The following CLYBL variants were observed in gnomAD, a reference collection of about 807,000 sequenced individuals.
The protein encoded by CLYBL is citramalyl-CoA lyase, also known as citramalyl-CoA lyase, mitochondrial.
Under a neutral mutation model 38.9 loss-of-function variants are expected in CLYBL, and 31 were observed. That is an observed-to-expected ratio of 0.80 (90% CI 0.60 to 1.08). The LOEUF (loss-of-function observed/expected upper bound fraction) is 1.08. Ranked by LOEUF, CLYBL falls within the 50% of genes least tolerant of loss-of-function variation. The pLI is 0.00. For synonymous variants in CLYBL, 171 were observed against 158.6 expected, an observed-to-expected ratio of 1.08 and a Z score of -0.59; for missense variants, 434 against 411.6, an observed-to-expected ratio of 1.05 and a Z score of -0.47.
At chr13:99,768,200 T>TC (rs1000697752) in intron 1 of CLYBL, among the ~76,000 whole-genome samples, 2 of 142,662 alleles carry the variant, frequency 1.4e-5, no homozygotes, top group Admixed American at 7.0e-5. Flanking sequence ...TTCTTTTTTT[T>TC]TTTTTTTTTT....
intron 2 of CLYBL, among the ~76,000 whole-genome samples, chr13:99,852,917 A>C (rs1447752519): frequency 6.6e-6 from 1 of 152,186 alleles, no homozygotes; most frequent in Non-Finnish European, 1.5e-5. Flanking sequence ...TAATATATCC[A>C]TTTCAAAGTA....
chr13:99,857,079 C>G (rs144032538), intron 2 of CLYBL, among the ~76,000 whole-genome samples: 8,194 of 151,710 alleles, frequency 0.054, 259 homozygotes, highest in Middle Eastern at 0.12. Flanking sequence ...CTTTGGGAGG[C>G]TGAGGCGGGT....
At chr13:99,873,182 T>C (rs924589650) in intron 7 of CLYBL, among the ~76,000 whole-genome samples, 1 of 152,188 alleles carries the variant, frequency 6.6e-6, no homozygotes, top group Non-Finnish European at 1.5e-5. Context: ...TAGGGACATA[T>C]GGTTATTTTA....
At chr13:99,662,455 A>C (rs1422950150) in intron 1 of CLYBL, among the ~76,000 whole-genome samples, 1 of 148,514 alleles carries the variant, frequency 6.7e-6, no homozygotes, top group Non-Finnish European at 1.5e-5. Context: ...TATTGGTTCT[A>C]TTTCGTTGAA....
At chr13:99,866,541 C>T (rs2051749940) in intron 6 of CLYBL, 134 bp downstream of exon 6, 2 of 697,438 alleles carry the variant, frequency 2.9e-6, no homozygotes, top group Non-Finnish European at 4.5e-6. Context: ...ATGAGCAAGT[C>T]ACACAGGGGA....
rs1449003190 is a variant in CLYBL at position 99,606,790 on chromosome 13, G to A, written c.62+33G>A. The stretch of plus-strand genomic sequence containing the variant: ...CAGGTCCCCGTTCCCCGCCTTCCCG[G>A]CCCGGCTCGCCGCGGGTCGGCTCCT... On this transcript the variant is annotated intron_variant, in intron 1 of 8. Coordinates refer to ENST00000339105, the MANE Select transcript of CLYBL (RefSeq NM_206808.5). 6.6e-6 allele frequency: 9 copies of A among 1,362,564 alleles called. No individual in the cohort carries two copies. In the East Asian group the frequency reaches 2.8e-4, roughly 42 times the overall value. The allele number at this position is 1,362,564 out of a possible 1,614,324, so 84.4% of individuals were successfully genotyped here. A position where few individuals can be genotyped will look rare whatever the true frequency, so the allele number is the denominator to read the frequency against.
At chr13:99,632,738 C>T (rs969527699) in intron 1 of CLYBL, among the ~76,000 whole-genome samples, 7 of 150,790 alleles carry the variant, frequency 4.6e-5, no homozygotes, top group South Asian at 2.1e-4. Context: ...AGTGAGACTC[C>T]GTCTCAAAAA....
intron 1 of CLYBL, among the ~76,000 whole-genome samples, chr13:99,654,469 C>T (rs1453955154): frequency 6.6e-6 from 1 of 152,188 alleles, no homozygotes; most frequent in East Asian, 1.9e-4. Context: ...TGCTCCAACC[C>T]AAATCTTCTT....
chr13:99,814,703 G>A (rs2050408054), intron 2 of CLYBL, among the ~76,000 whole-genome samples: 1 of 150,316 alleles, frequency 6.7e-6, no homozygotes, highest in Non-Finnish European at 1.5e-5. Context: ...ATTCCAGACT[G>A]GGCAACAGAA....
chr13:99,611,014 A>C (rs531507473), intron 1 of CLYBL, among the ~76,000 whole-genome samples: 8 of 152,350 alleles, frequency 5.3e-5, no homozygotes, highest in African/African-American at 1.9e-4. Flanking sequence ...AAGACAGGTC[A>C]AATAGTGACA....
intron 2 of CLYBL, among the ~76,000 whole-genome samples, chr13:99,773,719 C>G (rs1261686323): frequency 6.6e-6 from 1 of 152,152 alleles, no homozygotes; most frequent in Non-Finnish European, 1.5e-5. Flanking sequence ...TAAAATGCAA[C>G]TAGGAAGTTC....
At chr13:99,612,397 T>TC (rs1566588124) in intron 1 of CLYBL, among the ~76,000 whole-genome samples, 1 of 147,570 alleles carries the variant, frequency 6.8e-6, no homozygotes, top group Non-Finnish European at 1.5e-5. Flanking sequence ...TTTTTTTTTT[T>TC]TTTTTTTTGA....
intron 1 of CLYBL, among the ~76,000 whole-genome samples, chr13:99,678,112 G>A (rs549140146): frequency 1.1e-4 from 16 of 152,294 alleles, no homozygotes; most frequent in Non-Finnish European, 2.4e-4. Flanking sequence ...ATGGCCCCTG[G>A]GTAATGCAGA....
chr13:99,906,396 G>A lies in CLYBL; in HGVS notation c.*160+991G>A, dbSNP rs1594258963. Among the ~76,000 whole-genome samples the A allele has an allele frequency of 4.0e-5, 6 of 151,410 alleles. No individual in the cohort carries two copies. The South Asian group carries it at 1.3e-3, about 32-fold the overall frequency. Reference sequence around the variant, plus strand: ...TAAGTGTGAGTGAAAATCAGAATTTGAATGGGAACTGAAGGACCCCCAGAG... The same window carrying A: ...TAAGTGTGAGTGAAAATCAGAATTTAAATGGGAACTGAAGGACCCCCAGAG... On this transcript the variant is annotated intron_variant and NMD_transcript_variant, in intron 9 of 9. Transcript: ENST00000689673.
intron 2 of CLYBL, among the ~76,000 whole-genome samples, chr13:99,797,556 C>CTCTGTGTGTGTG (rs775220789): frequency 7.2e-4 from 27 of 37,514 alleles, no homozygotes; most frequent in East Asian, 6.5e-3. Flanking sequence ...GCCATGTTAG[C>CTCTGTGTGTGTG]TGTTTGTGTG....
At chr13:99,620,822 G>C (rs750901273) in intron 1 of CLYBL, among the ~76,000 whole-genome samples, 2 of 137,840 alleles carry the variant, frequency 1.5e-5, no homozygotes, top group African/African-American at 2.9e-5. Context: ...GAGAGAGAGA[G>C]AGAAAGAAAG....
chr13:99,686,512 C>CAGAG lies in CLYBL; in HGVS notation c.62+79777_62+79780dup, dbSNP rs34750084. 1.6e-3 allele frequency among the ~76,000 whole-genome samples: 239 copies of CAGAG among 150,216 alleles called. 1 individual carries two copies. The highest frequency in any genetic ancestry group is 5.4e-3 in the African/African-American group (220 of 41,050). Reference sequence around the variant, plus strand: ...TCAGACATAAAAGTATTTGTTTCAACAGAGAGAGAGAGAGAGAGAGAGAGA... The same window carrying CAGAG: ...TCAGACATAAAAGTATTTGTTTCAACAGAGAGAGAGAGAGAGAGAGAGAGAGAGA... On this transcript the variant is annotated intron_variant, in intron 1 of 8. Coordinates refer to ENST00000339105, the MANE Select transcript of CLYBL (RefSeq NM_206808.5).
intron 1 of CLYBL, among the ~76,000 whole-genome samples, chr13:99,637,097 CT>C (rs2047028728): frequency 6.6e-6 from 1 of 152,170 alleles, no homozygotes; most frequent in Non-Finnish European, 1.5e-5. Flanking sequence ...CCAGGCTGGT[CT>C]TGAACCCCTG....
chr13:99,770,069 T>C (rs2049349898), intron 1 of CLYBL, among the ~76,000 whole-genome samples: 1 of 138,628 alleles, frequency 7.2e-6, no homozygotes, highest in Admixed American at 7.6e-5. Flanking sequence ...TTCTTTCTTT[T>C]TCTTTTCTTT....
Sources: gnomAD v4.1 joint callset for allele counts (sites outside exome capture counted in the v4.1 genomes callset) on GRCh38, gnomAD v4.1.1 for gene constraint, MANE v1.5 for transcripts, NCBI Gene and HGNC (gene_info 2026-07-23, HGNC 2026-07-21) for gene names.